Variants in DLGAP2 observed in about 807,000 individuals in gnomAD.
DLGAP2 encodes the protein disks large-associated protein 2.
DLGAP2 carries 26 observed loss-of-function variants against 100.3 expected under a neutral mutation model. That is an observed-to-expected ratio of 0.26 (90% CI 0.19 to 0.36). DLGAP2 has a LOEUF of 0.36. Ranked by LOEUF, DLGAP2 falls within the 10% of genes least tolerant of loss-of-function variation. The probability of loss-of-function intolerance (pLI) is 1.00; values close to 1 mark genes in which losing one functional copy is unlikely to be tolerated. For missense variants in DLGAP2, 1,858 were observed against 1,453.2 expected (o/e 1.28, Z -4.53); for synonymous variants, 886 against 630.1 (o/e 1.41, Z -6.08).
At chr8:1,210,284 G>T (rs1005649278) in intron 2 of DLGAP2, among the ~76,000 whole-genome samples, 63 of 152,310 alleles carry the variant, frequency 4.1e-4, no homozygotes, top group African/African-American at 1.5e-3. Context: ...GCATGGCAGG[G>T]ATTCAGCTGA....
chr8:768,418 ATTTTTTTTTTTT>A (rs58234397), intron 1 of DLGAP2, among the ~76,000 whole-genome samples: 1 of 99,960 alleles, frequency 1.0e-5, no homozygotes, highest in African/African-American at 4.0e-5. Context: ...GAAGGCGTTG[ATTTTTTTTTTTT>A]TTTTTTTTTT....
intron 2 of DLGAP2, among the ~76,000 whole-genome samples, chr8:1,064,848 T>C (rs1032398529): frequency 6.6e-6 from 1 of 152,186 alleles, no homozygotes; most frequent in Non-Finnish European, 1.5e-5. Flanking sequence ...CCCTCCACCC[T>C]GACATGCACA....
At chr8:1,674,391 T>A (rs556543690) in intron 10 of DLGAP2, among the ~76,000 whole-genome samples, 2 of 152,322 alleles carry the variant, frequency 1.3e-5, no homozygotes, top group South Asian at 4.1e-4. Flanking sequence ...AAGTAAATCA[T>A]GACTTACTGC....
intron 3 of DLGAP2, among the ~76,000 whole-genome samples, chr8:1,356,134 G>A (rs1160482645): frequency 1.3e-5 from 2 of 152,202 alleles, no homozygotes; most frequent in African/African-American, 4.8e-5. Context: ...GACGGTTCGT[G>A]TGGACCTCAC....
intron 1 of DLGAP2, among the ~76,000 whole-genome samples, chr8:867,186 C>A (rs993063465): frequency 6.6e-6 from 1 of 152,184 alleles, no homozygotes; most frequent in South Asian, 2.1e-4. Context: ...CTTTGTTGAT[C>A]GGGGATCTAT....
intron 1 of DLGAP2, among the ~76,000 whole-genome samples, chr8:771,866 C>T (rs996301964): frequency 6.6e-6 from 1 of 152,176 alleles, no homozygotes; most frequent in Non-Finnish European, 1.5e-5. Context: ...CTGATTGTGT[C>T]TGGTGGGGAC....
At chr8:1,227,174 A>AT (rs1563265041) in intron 2 of DLGAP2, among the ~76,000 whole-genome samples, 16 of 65,084 alleles carry the variant, frequency 2.5e-4, no homozygotes, top group East Asian at 1.6e-3. Flanking sequence ...ATATATATAT[A>AT]GTATAGATAT....
intron 4 of DLGAP2, among the ~76,000 whole-genome samples, chr8:1,539,470 C>G (rs1379249713): frequency 6.6e-6 from 1 of 152,136 alleles, no homozygotes; most frequent in Non-Finnish European, 1.5e-5. Context: ...ACAAGCCCAT[C>G]CCCACGAGTT....
chr8:1,606,690 G>T (rs1257401160), intron 6 of DLGAP2, among the ~76,000 whole-genome samples: 1 of 152,104 alleles, frequency 6.6e-6, no homozygotes, highest in Non-Finnish European at 1.5e-5. Context: ...CCATTATTCT[G>T]TTTGTTTTCT....
intron 4 of DLGAP2, among the ~76,000 whole-genome samples, chr8:1,503,989 A>G (rs1050151844): frequency 9.9e-5 from 15 of 152,180 alleles, no homozygotes; most frequent in Admixed American, 9.2e-4. Flanking sequence ...GAGTCACAAG[A>G]TTTGTGCAGA....
chr8:1,115,982 G>A (rs1231737861), intron 2 of DLGAP2, among the ~76,000 whole-genome samples: 1 of 152,166 alleles, frequency 6.6e-6, no homozygotes, highest in African/African-American at 2.4e-5. Flanking sequence ...CAGTGCCCAG[G>A]AAACGATCCC....
intron 2 of DLGAP2, among the ~76,000 whole-genome samples, chr8:1,256,573 C>CTG (rs1415307014): frequency 1.7e-4 from 25 of 151,086 alleles, no homozygotes; most frequent in African/African-American, 5.9e-4. Flanking sequence ...TGCCCGGGTG[C>CTG]TGTGCGTGTG....
At chr8:1,207,749 T>C (rs35167320) in intron 2 of DLGAP2, among the ~76,000 whole-genome samples, 14,435 of 152,290 alleles carry the variant, frequency 0.095, 880 homozygotes, top group Non-Finnish European at 0.14. Flanking sequence ...TTTTTAATTA[T>C]GATCATTGTT....
At chr8:1,419,815 C>G (rs1563135753) in intron 3 of DLGAP2, among the ~76,000 whole-genome samples, 1 of 152,152 alleles carries the variant, frequency 6.6e-6, no homozygotes, top group Non-Finnish European at 1.5e-5. Flanking sequence ...CCTCAAAAAA[C>G]TAAGCCACCA....
intron 3 of DLGAP2, among the ~76,000 whole-genome samples, chr8:1,324,918 G>A (rs1399537914): frequency 1.3e-5 from 2 of 152,136 alleles, no homozygotes; most frequent in Non-Finnish European, 1.5e-5. Context: ...CTTCCAGATC[G>A]TGCTGACCTG....
intron 2 of DLGAP2, among the ~76,000 whole-genome samples, chr8:1,145,038 G>C (rs1361168924): frequency 2.6e-5 from 4 of 152,238 alleles, no homozygotes; most frequent in Non-Finnish European, 4.4e-5. Context: ...AAAAGCAAAA[G>C]TTAATATTCA....
intron 1 of DLGAP2, among the ~76,000 whole-genome samples, chr8:859,665 C>T (rs547948594): frequency 4.6e-5 from 7 of 152,236 alleles, no homozygotes; most frequent in South Asian, 2.1e-4. Flanking sequence ...TGGCTGCCTT[C>T]GGTGAGGAGC....
chr8:1,364,685 A>T (rs1228382929), intron 3 of DLGAP2, among the ~76,000 whole-genome samples: 1 of 152,238 alleles, frequency 6.6e-6, no homozygotes, highest in Non-Finnish European at 1.5e-5. Context: ...CTCGACTGGC[A>T]AGGAGGACTC....
At chr8:1,164,313 T>C (rs67224142) in intron 2 of DLGAP2, among the ~76,000 whole-genome samples, 4,454 of 33,006 alleles carry the variant, frequency 0.13, 12 homozygotes, top group Admixed American at 0.16. Flanking sequence ...GGTTTGTTTT[T>C]GTTTGTGGGG....
Sources: gnomAD v4.1 joint callset for allele counts (sites outside exome capture counted in the v4.1 genomes callset) on GRCh38, gnomAD v4.1.1 for gene constraint, MANE v1.5 for transcripts, NCBI Gene and HGNC (gene_info 2026-07-23, HGNC 2026-07-21) for gene names.